GNB5: variants seen among roughly 807,000 people sequenced by gnomAD.
GNB5 encodes the protein guanine nucleotide-binding protein subunit beta-5.
In GNB5, 37 loss-of-function variants were observed where a neutral mutation model predicts 55.3. That is an observed-to-expected ratio of 0.67 (90% confidence interval 0.51 to 0.88). The LOEUF is 0.88. Among genes scored for constraint, GNB5 ranks in the 40% least tolerant of loss-of-function variants. The pLI, the probability that GNB5 is intolerant of heterozygous loss-of-function variation, is 0.00. For synonymous variants in GNB5, 219 were observed against 198.5 expected (o/e 1.10, Z -0.87); for missense variants, 476 against 515.3 (o/e 0.92, Z 0.74).
chr15:52,172,478 A>T (rs1043132537), intron 3 of GNB5, among the ~76,000 whole-genome samples: 2 of 151,722 alleles, frequency 1.3e-5, no homozygotes, highest in African/African-American at 4.8e-5. Context: ...TTTTTCCCTT[A>T]TTATAAAAAG....
At chr15:52,183,399 A>G (rs1180826202) in intron 2 of GNB5, among the ~76,000 whole-genome samples, 3 of 152,154 alleles carry the variant, frequency 2.0e-5, no homozygotes, top group Admixed American at 1.3e-4. Context: ...CAGTTCTACA[A>G]TTTGCAGGGC....
In GNB5 at chr15:52,124,474, CTGAGGGTAT is replaced by C. The variant is rs766442465; in HGVS notation, c.1166_1174del (p.His389_Leu391del). On this transcript the variant is annotated inframe_deletion and splice_region_variant, in exon 12 of 13. Transcript: ENST00000261837. ...AAAACAGAAAACCATCCCTCTTACTCTGAGGGTATGATCCCATGATCCAGAGCAGAAAGC... is the reference window on the plus strand; with the variant it reads ...AAAACAGAAAACCATCCCTCTTACTCGATCCCATGATCCAGAGCAGAAAGC... 6.2e-7 allele frequency: 1 copy of C among 1,611,440 alleles called. No homozygotes were observed. Among genetic ancestry groups the C allele is most frequent in the Non-Finnish European group, 8.5e-7 (1 of 1,177,834 alleles).
intron 5 of GNB5, among the ~76,000 whole-genome samples, chr15:52,148,784 G>A (rs1290309308): frequency 6.6e-6 from 1 of 152,228 alleles, no homozygotes; most frequent in African/African-American, 2.4e-5. Context: ...GGCTTTCAGA[G>A]GCCAAGAATA....
intron 7 of GNB5, among the ~76,000 whole-genome samples, chr15:52,136,404 C>G (rs1051720345): frequency 1.3e-5 from 2 of 152,192 alleles, no homozygotes; most frequent in African/African-American, 4.8e-5. Flanking sequence ...ATGCCTCCCA[C>G]TGCTGTGCAG....
At chr15:52,171,777 C>CTAAGA in intron 3 of GNB5, among the ~76,000 whole-genome samples, 1 of 152,124 alleles carries the variant, frequency 6.6e-6, no homozygotes, top group South Asian at 2.1e-4. Flanking sequence ...TCAGAATAGT[C>CTAAGA]CAAGACTCTA....
At chr15:52,161,676 G>C (rs1217177772) in intron 3 of GNB5, among the ~76,000 whole-genome samples, 1 of 152,216 alleles carries the variant, frequency 6.6e-6, no homozygotes, top group Non-Finnish European at 1.5e-5. Flanking sequence ...AACCTGCCTG[G>C]GTCTTGGCTT....
At chr15:52,146,220 G>A (rs2033973442) in intron 6 of GNB5, among the ~76,000 whole-genome samples, 1 of 152,276 alleles carries the variant, frequency 6.6e-6, no homozygotes, top group African/African-American at 2.4e-5. Context: ...GCCTCCCAAA[G>A]TGCTGGGATT....
At chr15:52,185,786 A>ATTG (rs1566952456) in intron 1 of GNB5, among the ~76,000 whole-genome samples, 1 of 146,580 alleles carries the variant, frequency 6.8e-6, no homozygotes, top group Non-Finnish European at 1.5e-5. Context: ...TATTATTATT[A>ATTG]TTATTATTAT....
Position 52,133,433 on chromosome 15 carries a change from A to G in GNB5, c.808T>C (p.Ser270Pro). The G allele has an allele frequency of 6.2e-7, 1 of 1,613,436 alleles. No homozygotes were observed. The highest frequency in any genetic ancestry group is 8.5e-7 in the Non-Finnish European group (1 of 1,179,292). Residue 270 changes from serine to proline, a missense_variant, in exon 9 of 13, where the codon TCC becomes CCC. Coordinates refer to ENST00000261837, the MANE Select transcript of GNB5 (RefSeq NM_016194.4). ...DKKAMVWDMR[S>P]GQCVQAFETH... Reference sequence around the variant, plus strand: ...TCAAAGGCCTGCACGCACTGGCCGGAGCGCATGTCCCACACCATGGCTTTC... The same window carrying G: ...TCAAAGGCCTGCACGCACTGGCCGGGGCGCATGTCCCACACCATGGCTTTC...
intron 3 of GNB5, among the ~76,000 whole-genome samples, chr15:52,171,597 G>C (rs2034556050): frequency 6.6e-6 from 1 of 152,208 alleles, no homozygotes. Context: ...GATGGCTGCA[G>C]GAGGCATGTG....
intron 6 of GNB5, chr15:52,144,380 T>C (rs1405840322): frequency 6.6e-6 from 1 of 152,258 alleles, no homozygotes; most frequent in Non-Finnish European, 1.5e-5. Context: ...TGACAGATTA[T>C]GTAACACATC....
At chr15:52,153,901 C>T in intron 4 of GNB5, 39 bp downstream of exon 4, 1 of 1,582,144 alleles carries the variant, frequency 6.3e-7, no homozygotes, top group Middle Eastern at 1.7e-4. Flanking sequence ...CTATAAAATC[C>T]AAAACCCGCT....
At chr15:52,171,093 C>CAAAAA (rs58181494) in intron 3 of GNB5, among the ~76,000 whole-genome samples, 1 of 72,642 alleles carries the variant, frequency 1.4e-5, no homozygotes, top group Non-Finnish European at 3.2e-5. Context: ...ACTCTATCTC[C>CAAAAA]AAAAAAAAAA....
intron 9 of GNB5, chr15:52,128,736 G>T: frequency 2.2e-6 from 1 of 457,676 alleles, no homozygotes; most frequent in Non-Finnish European, 4.4e-6. Flanking sequence ...CTGCTGTGAA[G>T]ATTACATAAG....
chr15:52,124,895 C>T, intron 11 of GNB5: 1 of 326,988 alleles, frequency 3.1e-6, no homozygotes, highest in Non-Finnish European at 5.6e-6. Context: ...ACGTAAAGTG[C>T]TATGGGACCA....
At chr15:52,133,286 C>T (rs2033624182) in intron 9 of GNB5, 92 bp downstream of exon 9, 2 of 825,930 alleles carry the variant, frequency 2.4e-6, no homozygotes, top group East Asian at 4.9e-5. Flanking sequence ...GCCAAGTAAA[C>T]TGAGTCTGGA....
chr15:52,132,760 A>G lies in GNB5; in HGVS notation c.863+618T>C, dbSNP rs971140323. On this transcript the variant is annotated intron_variant, in intron 9 of 12. Coordinates refer to ENST00000261837, the MANE Select transcript of GNB5 (RefSeq NM_016194.4). ...CAGAGCGATCTTTTAAAGGCAAAACATGATCAGGTTAGCCACCCCTACCCC... is the reference window on the plus strand; with the variant it reads ...CAGAGCGATCTTTTAAAGGCAAAACGTGATCAGGTTAGCCACCCCTACCCC... 4.6e-5 allele frequency among the ~76,000 whole-genome samples: 7 copies of G among 151,748 alleles called. No homozygotes were observed. The South Asian group carries it at 8.3e-4, about 18-fold the overall frequency.
Position 52,133,032 on chromosome 15 carries a change from G to T in GNB5, c.863+346C>A, listed in dbSNP as rs185381393. ...TGTATATTTGTGTTTGGTCTAGTTT[G>T]TCTCCTGTAAGAGAATAGAGACCTT... On this transcript the variant is annotated intron_variant, in intron 9 of 12. Transcript: ENST00000261837. 1.0e-3 allele frequency among the ~76,000 whole-genome samples: 153 copies of T among 152,242 alleles called. 1 individual carries two copies. Among genetic ancestry groups the T allele is most frequent in the Non-Finnish European group, 1.5e-3 (104 of 68,028 alleles).
At chr15:52,128,499 C>T in intron 9 of GNB5, 2 of 623,058 alleles carry the variant, frequency 3.2e-6, no homozygotes, top group South Asian at 3.6e-5. Flanking sequence ...ACAGAGTAGA[C>T]CCCCTATAAA....
Sources: gnomAD v4.1 joint callset for allele counts (sites outside exome capture counted in the v4.1 genomes callset) on GRCh38, gnomAD v4.1.1 for gene constraint, MANE v1.5 for transcripts, NCBI Gene and HGNC (gene_info 2026-07-23, HGNC 2026-07-21) for gene names.